Variants in ACTB observed in about 807,000 individuals in gnomAD.
ACTB encodes actin, cytoplasmic 1.
ACTB carries 2 observed loss-of-function variants against 30.5 expected under a neutral mutation model. The ratio of observed to expected loss-of-function variants is 0.07; its 90% confidence interval spans 0.03 to 0.21. ACTB has a LOEUF of 0.21. ACTB is among the 10% of genes least tolerant of loss of function. The pLI, the probability that ACTB is intolerant of heterozygous loss-of-function variation, is 1.00. For synonymous variants in ACTB, 335 were observed against 217.6 expected (o/e 1.54, Z -4.75); for missense variants, 56 against 530.0 (o/e 0.11, Z 8.78).
intron 1 of ACTB, among the ~76,000 whole-genome samples, chr7:5,530,204 C>CG (rs1012262266): frequency 6.6e-5 from 10 of 151,920 alleles, no homozygotes; most frequent in African/African-American, 9.7e-5. Context: ...CCGGGCCTGG[C>CG]GGGGGCTCCG....
At chr7:5,528,246 A>T (rs1272216260) in intron 4 of ACTB, 35 bp downstream of exon 4, 1 of 1,613,786 alleles carries the variant, frequency 6.2e-7, no homozygotes, top group Admixed American at 1.7e-5. Context: ...GGTAACCCTC[A>T]TGTCAGGCAG....
At chr7:5,530,354 C>T (rs1018034788) in intron 1 of ACTB, among the ~76,000 whole-genome samples, 170 bp downstream of exon 1, 1 of 152,036 alleles carries the variant, frequency 6.6e-6, no homozygotes, top group Admixed American at 6.6e-5. Context: ...GTGGGGTGTC[C>T]CCCATCTCCG....
intron 2 of ACTB, 48 bp from the exon 3 acceptor site, chr7:5,529,448 C>G (rs201977690): frequency 4.3e-6 from 7 of 1,613,532 alleles, no homozygotes; most frequent in African/African-American, 1.3e-5. Flanking sequence ...CAGCCCCCAC[C>G]CCGGAAACCG....
In ACTB at chr7:5,527,424, T is replaced by C. The variant is rs1326212173; in HGVS notation, c.*324A>G. On this transcript the variant is annotated 3_prime_UTR_variant, in exon 6 of 6. Coordinates refer to ENST00000646664, the MANE Select transcript of ACTB (RefSeq NM_001101.5). ...GTGGACTTGGGAGAGGACTGGGCCA[T>C]TCTCCTTAGAGAGAAGTGGGGTGGC... 1 of 454,012 alleles carries C rather than the reference T, an allele frequency of 2.2e-6. No homozygotes were observed. The highest frequency in any genetic ancestry group is 4.0e-6 in the Non-Finnish European group (1 of 248,524). 28.1% of individuals were successfully genotyped at this position (454,012 alleles called of 1,614,324 possible).
chr7:5,529,832 C>T, intron 1 of ACTB, 169 bp from the exon 2 acceptor site: 2 of 1,151,374 alleles, frequency 1.7e-6, no homozygotes, highest in African/African-American at 1.5e-5. Context: ...TGGTCGGAGG[C>T]GTCCCCGCGG....
chr7:5,529,088 G>C, intron 3 of ACTB, 73 bp downstream of exon 3: 1 of 1,613,496 alleles, frequency 6.2e-7, no homozygotes, highest in Non-Finnish European at 8.5e-7. Flanking sequence ...GAGAGAACCA[G>C]TGAGAAAGGG....
rs767960675 is a variant in ACTB, at chr7:5,529,556, G to A, written c.102C>T (p.Ile34=). The A allele has an allele frequency of 3.1e-6, 5 of 1,611,592 alleles. No homozygotes were observed. Among genetic ancestry groups the A allele is most frequent in the Admixed American group, 1.7e-5 (1 of 59,956 alleles). Residue 34 remains isoleucine (I), a synonymous_variant, in exon 2 of 6, where the codon ATC becomes ATT. Coordinates refer to ENST00000646664, the MANE Select transcript of ACTB (RefSeq NM_001101.5). Reference sequence around the variant, plus strand: ...CTACCTGGTGCCTGGGGCGCCCCACGATGGAGGGGAAGACGGCCCGGGGGG... The same window carrying A: ...CTACCTGGTGCCTGGGGCGCCCCACAATGGAGGGGAAGACGGCCCGGGGGG... ...DDAPRAVFPS[I]VGRPRHQGVM... is the part of the protein sequence containing the mutation.
At chr7:5,528,828 C>G (rs967793761) in intron 3 of ACTB, 109 bp from the exon 4 acceptor site, 1 of 1,470,178 alleles carries the variant, frequency 6.8e-7, no homozygotes, top group Non-Finnish European at 9.5e-7. Flanking sequence ...GTGCTGGGGT[C>G]TTGGGATGGG....
rs376031007 is a variant in ACTB, at chr7:5,529,531, C to T, written c.123+4G>A. ...GGGCTGCCCCACCCAGCCAGCTCCC[C>T]TACCTGGTGCCTGGGGCGCCCCACG... On this transcript the variant is annotated splice_donor_region_variant and intron_variant, in intron 2 of 5. Coordinates refer to ENST00000646664, the MANE Select transcript of ACTB (RefSeq NM_001101.5). 1.9e-6 allele frequency: 3 copies of T among 1,611,652 alleles called. No homozygotes were observed. Among genetic ancestry groups the T allele is most frequent in the African/African-American group, 2.7e-5 (2 of 75,048 alleles).
chr7:5,529,944 C>T (rs1784852225), intron 1 of ACTB: 3 of 324,968 alleles, frequency 9.2e-6, no homozygotes, highest in South Asian at 6.5e-5. Flanking sequence ...CACGCAGCGG[C>T]CACACCCTCG....
rs774425353 is a variant in ACTB at position 5,528,769 on chromosome 7, G to A, written c.364-50C>T. The A allele has an allele frequency of 4.5e-5, 72 of 1,594,882 alleles. No homozygotes were observed. The African/African-American group carries it at 6.7e-4, about 15-fold the overall frequency. On this transcript the variant is annotated intron_variant, in intron 3 of 5. Transcript: ENST00000646664. ...CACACTGGGGAAGCCACTGGGGACA[G>A]CCAGGCCAGACGGGGGACATGCAGA...
chr7:5,529,517 C>G lies in ACTB; in HGVS notation c.123+18G>C. Reference sequence around the variant, plus strand: ...CCCGCCCGCTCCCGGGGCTGCCCCACCCAGCCAGCTCCCCTACCTGGTGCC... The same window carrying G: ...CCCGCCCGCTCCCGGGGCTGCCCCAGCCAGCCAGCTCCCCTACCTGGTGCC... On this transcript the variant is annotated intron_variant, in intron 2 of 5. Transcript: ENST00000646664. The G allele has an allele frequency of 6.2e-7, 1 of 1,611,852 alleles. No individual in the cohort carries two copies. The highest frequency in any genetic ancestry group is 8.5e-7 in the Non-Finnish European group (1 of 1,179,340).
chr7:5,529,329 G>T lies in ACTB; in HGVS notation c.195C>A (p.Leu65=). 1 of 1,614,080 alleles carries T rather than the reference G, an allele frequency of 6.2e-7. No individual in the cohort carries two copies. Among genetic ancestry groups the T allele is most frequent in the Non-Finnish European group, 8.5e-7 (1 of 1,180,040 alleles). ...CGTGCTCGATGGGGTACTTCAGGGT[G>T]AGGATGCCTCTCTTGCTCTGGGCCT... ...GDEAQSKRGI[L]TLKYPIEHGI... Residue 65 remains leucine (L), a synonymous_variant, in exon 3 of 6, where the codon CTC becomes CTA. Coordinates refer to ENST00000646664, the MANE Select transcript of ACTB (RefSeq NM_001101.5).
rs371859807 is a variant in ACTB at position 5,528,728 on chromosome 7, C to G, written c.364-9G>C. The stretch of plus-strand genomic sequence containing the variant: ...AAGGTCTCAAACATGATCTGTAAGG[C>G]AGAGATACACCATGTCACACTGGGG... On this transcript the variant is annotated splice_polypyrimidine_tract_variant and intron_variant, in intron 3 of 5. Transcript: ENST00000646664. The G allele has an allele frequency of 2.2e-5, 35 of 1,612,498 alleles. No individual in the cohort carries two copies. Among genetic ancestry groups the G allele is most frequent in the Non-Finnish European group, 3.0e-5 (35 of 1,179,190 alleles).
chr7:5,528,910 T>C, intron 3 of ACTB, 191 bp from the exon 4 acceptor site: 1 of 1,458,356 alleles, frequency 6.9e-7, no homozygotes, highest in Non-Finnish European at 9.4e-7. Context: ...CCTCATGGCC[T>C]TGTCACACGA....
chr7:5,527,799 C>T lies in ACTB; in HGVS notation c.1077G>A (p.Lys359=), dbSNP rs779589316. Residue 359 remains lysine (K), a synonymous_variant, in exon 6 of 6, where the codon AAG becomes AAA. Coordinates refer to ENST00000646664, the MANE Select transcript of ACTB (RefSeq NM_001101.5). ...LSTFQQMWIS[K]QEYDESGPSI... ...AGGGGCCGGACTCGTCATACTCCTGCTTGCTGATCCACATCTGCTGGAAGG... is the reference window on the plus strand; with the variant it reads ...AGGGGCCGGACTCGTCATACTCCTGTTTGCTGATCCACATCTGCTGGAAGG... 2 of 1,614,100 alleles carry T rather than the reference C, an allele frequency of 1.2e-6. No homozygotes were observed. The highest frequency in any genetic ancestry group is 1.7e-6 in the Non-Finnish European group (2 of 1,180,014).
chr7:5,527,927 G>C (rs751033080), intron 5 of ACTB, 36 bp from the exon 6 acceptor site: 2 of 1,613,078 alleles, frequency 1.2e-6, no homozygotes, highest in South Asian at 2.2e-5. Context: ...GAGGACCCTG[G>C]ATGTGACAGC....
chr7:5,530,576 C>G lies in ACTB; in HGVS notation c.-59G>C, dbSNP rs1299809373. The G allele has an allele frequency of 6.6e-6, 1 of 152,310 alleles. No homozygotes were observed. Among genetic ancestry groups the G allele is most frequent in the African/African-American group, 2.4e-5 (1 of 41,352 alleles). 9.4% of individuals were successfully genotyped at this position (152,310 alleles called of 1,614,324 possible). ...ATCGGCAAAGGCGAGGCTCTGTGCT[C>G]GCGGGGCGGACGCGGTCTCGGCGGT... On this transcript the variant is annotated 5_prime_UTR_variant, in exon 1 of 6. Transcript: ENST00000646664.
At position 5,528,190 on chromosome 7, in the gene ACTB, G is replaced by A. The variant is rs1784805682; in HGVS notation, c.803-5C>T. On this transcript the variant is annotated splice_region_variant and splice_polypyrimidine_tract_variant and intron_variant, in intron 4 of 5. Transcript: ENST00000646664. ...GGATGCCACAGGACTCCATGCCTGA[G>A]AGGGAAATGAGGGCAGGACTTAGCT... is the stretch of plus-strand genomic sequence containing the variant. The A allele has an allele frequency of 3.1e-6, 5 of 1,613,922 alleles. No homozygotes were observed. The highest frequency in any genetic ancestry group is 3.4e-6 in the Non-Finnish European group (4 of 1,179,748).
Sources: gnomAD v4.1 joint callset for allele counts (sites outside exome capture counted in the v4.1 genomes callset) on GRCh38, gnomAD v4.1.1 for gene constraint, MANE v1.5 for transcripts, NCBI Gene and HGNC (gene_info 2026-07-23, HGNC 2026-07-21) for gene names.